Variants in SART1 observed in about 807,000 individuals in gnomAD.
SART1 encodes U4/U6.U5 tri-snRNP-associated protein 1.
Under a neutral mutation model 105.0 loss-of-function variants are expected in SART1, and 28 were observed. The observed-to-expected ratio is 0.27, with a 90% CI of 0.20 to 0.37. The LOEUF is 0.37. Ranked by LOEUF, SART1 falls within the 10% of genes least tolerant of loss-of-function variation. The pLI is 1.00. For synonymous variants in SART1, 472 were observed against 462.9 expected (o/e 1.02, Z -0.25); for missense variants, 894 against 1,106.5 (o/e 0.81, Z 2.72).
At chr11:65,963,384 G>T (rs972184044) in intron 1 of SART1, among the ~76,000 whole-genome samples, 3 of 152,150 alleles carry the variant, frequency 2.0e-5, no homozygotes, top group Non-Finnish European at 4.4e-5. Context: ...AGCCTGGAGA[G>T]GTTGGGATCC....
intron 2 of SART1, 59 bp from the exon 3 acceptor site, chr11:65,964,456 A>C: frequency 6.3e-7 from 1 of 1,589,404 alleles, no homozygotes; most frequent in East Asian, 2.2e-5. Context: ...TCTGTCTGGA[A>C]ATGCACATGG....
chr11:65,965,280 C>G (rs1405349674), intron 4 of SART1, 62 bp downstream of exon 4: 1 of 1,605,314 alleles, frequency 6.2e-7, no homozygotes, highest in Non-Finnish European at 8.5e-7. Flanking sequence ...CCTTGGCTGC[C>G]TCTTGAGTGG....
intron 9 of SART1, among the ~76,000 whole-genome samples, chr11:65,967,001 T>C (rs933966110): frequency 1.3e-5 from 2 of 152,082 alleles, no homozygotes; most frequent in African/African-American, 4.8e-5. Context: ...AGAGCAGGAC[T>C]CTGGAGCCAG....
chr11:65,974,994 C>G (rs1313625736), intron 12 of SART1, among the ~76,000 whole-genome samples: 1 of 151,924 alleles, frequency 6.6e-6, no homozygotes, highest in African/African-American at 2.4e-5. Flanking sequence ...GAGCTGAGAT[C>G]GCGCCACTGC....
At chr11:65,962,133 G>GGGGGGGGGGGGGGGGGGGC in intron 1 of SART1, 40 bp downstream of exon 1, 1 of 340,638 alleles carries the variant, frequency 2.9e-6, no homozygotes, top group Non-Finnish European at 5.5e-6. Context: ...GGTCGGGCGG[G>GGGGGGGGGGGGGGGGGGGC]GGTCCCGGAA....
chr11:65,967,476 G>A lies in SART1; in HGVS notation c.1319G>A (p.Arg440Gln), dbSNP rs766126860. 34 of 1,613,314 alleles carry A rather than the reference G, an allele frequency of 2.1e-5. No individual in the cohort carries two copies. The highest frequency in any genetic ancestry group is 2.5e-5 in the Non-Finnish European group (29 of 1,179,908). Reference protein sequence around the residue: ...TQDGDFGSRLRGRGRRRVSEV... With the variant: ...TQDGDFGSRLQGRGRRRVSEV... ...GAGAGGCCTCCTTCCCTCAGACTGC[G>A]GGGACGGGGTCGCCGCCGAGTGTCC... The change falls in exon 11 of 20, where the codon CGG (arginine) becomes CAG (glutamine). Residue 440 changes from arginine to glutamine, a missense_variant. Coordinates refer to ENST00000312397, the MANE Select transcript of SART1 (RefSeq NM_005146.5).
chr11:65,963,519 T>C (rs1855186981), intron 1 of SART1, among the ~76,000 whole-genome samples: 1 of 151,724 alleles, frequency 6.6e-6, no homozygotes, highest in African/African-American at 2.4e-5. Context: ...TCTTGCTCCA[T>C]TGCCCAGGCT....
At chr11:65,970,725 G>A (rs923072938) in intron 12 of SART1, among the ~76,000 whole-genome samples, 6 of 150,464 alleles carry the variant, frequency 4.0e-5, no homozygotes, top group African/African-American at 1.5e-4. Flanking sequence ...GAGCAGGCCT[G>A]CCAGTGGCAG....
chr11:65,968,725 G>T (rs1012943564), intron 12 of SART1, among the ~76,000 whole-genome samples: 5 of 152,194 alleles, frequency 3.3e-5, no homozygotes, highest in Admixed American at 3.3e-4. Context: ...AGTGACCTTA[G>T]AGTGCCTGAG....
In SART1 at chr11:65,964,521, C is replaced by T; in HGVS notation, c.378C>T (p.Leu126=). Residue 126 remains leucine, a synonymous_variant, in exon 3 of 20, where the codon CTC becomes CTT. Transcript: ENST00000312397. ...SSLSIEETNK[L]RAKLGLKPLE... ...TTGTATCTCTTGTTGTCAGCAAACT[C>T]CGGGCAAAGTTGGGGCTGAAACCCT... 6.2e-7 allele frequency: 1 copy of T among 1,613,382 alleles called. No homozygotes were observed. The highest frequency in any genetic ancestry group is 8.5e-7 in the Non-Finnish European group (1 of 1,179,834).
chr11:65,966,055 A>C (rs754502457), intron 7 of SART1, 21 bp from the exon 8 acceptor site: 1 of 1,613,860 alleles, frequency 6.2e-7, no homozygotes, highest in Admixed American at 1.7e-5. Context: ...GTGAATGGCC[A>C]CTGCTCTGTG....
At chr11:65,966,835 T>C (rs916787126) in intron 9 of SART1, among the ~76,000 whole-genome samples, 1 of 152,198 alleles carries the variant, frequency 6.6e-6, no homozygotes, top group African/African-American at 2.4e-5. Context: ...CCATCTGGAA[T>C]GGCAGTGACA....
chr11:65,973,549 A>G (rs1435784109), intron 12 of SART1, among the ~76,000 whole-genome samples: 1 of 152,242 alleles, frequency 6.6e-6, no homozygotes, highest in Admixed American at 6.5e-5. Flanking sequence ...TGGAGCGGCC[A>G]GAGTCCTCAG....
At chr11:65,974,880 A>C (rs1276615408) in intron 12 of SART1, among the ~76,000 whole-genome samples, 1 of 151,540 alleles carries the variant, frequency 6.6e-6, no homozygotes, top group African/African-American at 2.4e-5. Flanking sequence ...CTGAAAAAAA[A>C]TACAAAAAAA....
At chr11:65,968,475 A>G (rs1855307806) in intron 12 of SART1, among the ~76,000 whole-genome samples, 1 of 152,124 alleles carries the variant, frequency 6.6e-6, no homozygotes, top group African/African-American at 2.4e-5. Context: ...AGCAGCAGTG[A>G]CTGTTAATGC....
rs1855481638 is a variant in SART1 at position 65,976,405 on chromosome 11, T to C, written c.1583T>C (p.Ile528Thr). The change falls in exon 13 of 20, where the codon ATT (isoleucine) becomes ACT (threonine). Residue 528 changes from isoleucine to threonine, a missense_variant. This residue lies in a region of SART1 where 712 missense variants were observed against 778.2 expected (regional missense o/e 0.91). Coordinates refer to ENST00000312397, the MANE Select transcript of SART1 (RefSeq NM_005146.5). The surrounding 1 kb of genome is among the most constrained non-coding windows in gnomAD (Gnocchi z 5.1). ...LRDSGEKVVEIVKKLESRQRG... is the reference protein window; with the variant it reads ...LRDSGEKVVETVKKLESRQRG... ...CGCTCCCTCCCCCAGGTGGTGGAGATTGTGAAGAAGCTGGAGTCTCGCCAG... is the reference window on the plus strand; with the variant it reads ...CGCTCCCTCCCCCAGGTGGTGGAGACTGTGAAGAAGCTGGAGTCTCGCCAG... 3 of 1,546,312 alleles carry C rather than the reference T, an allele frequency of 1.9e-6. No individual in the cohort carries two copies. Among genetic ancestry groups the C allele is most frequent in the Admixed American group, 2.0e-5 (1 of 48,846 alleles).
At chr11:65,973,992 G>C (rs1833465717) in intron 12 of SART1, among the ~76,000 whole-genome samples, 1 of 152,094 alleles carries the variant, frequency 6.6e-6, no homozygotes, top group Non-Finnish European at 1.5e-5. Context: ...GGACACTCAA[G>C]TCTGGGCAGG....
rs1236474314 is a variant in SART1, at chr11:65,967,775, T to C, written c.1526T>C (p.Leu509Pro). 1 of 1,549,784 alleles carries C rather than the reference T, an allele frequency of 6.5e-7. No homozygotes were observed. Residue 509 changes from leucine (L) to proline (P), a missense_variant, in exon 12 of 20, where the codon CTG becomes CCG. Leu to Pro is a moderately conservative substitution (Grantham distance 98, BLOSUM62 -3). Transcript: ENST00000312397. ...AAGCAGCTGGAGAAGGGACGCCGGC[T>C]GCGACAGTTACAGCAGCTACAGCAG... ...LQKQLEKGRR[L>P]RQLQQLQQLR...
chr11:65,965,369 C>T lies in SART1; in HGVS notation c.582C>T (p.Asp194=). ...LGKIKTLGED[D]PWLDDTAAWI... is the part of the protein sequence containing the mutation. ...AGATAAAGACCCTAGGAGAGGATGA[C>T]CCCTGGCTGGACGACACTGCAGCCT... The change falls in exon 5 of 20, where the codon GAC becomes GAT. Residue 194 remains aspartate, a synonymous_variant. Transcript: ENST00000312397. The T allele has an allele frequency of 3.1e-6, 5 of 1,589,220 alleles. No individual in the cohort carries two copies. The highest frequency in any genetic ancestry group is 1.1e-5 in the South Asian group (1 of 87,752).
Sources: gnomAD v4.1 joint callset for allele counts (sites outside exome capture counted in the v4.1 genomes callset) on GRCh38, gnomAD v4.1.1 for gene constraint, gnomAD v4.1.1 regional missense constraint, Gnocchi (gnomAD v3.1) non-coding constraint, MANE v1.5 for transcripts, NCBI Gene and HGNC (gene_info 2026-07-23, HGNC 2026-07-21) for gene names.